Variants in CYTH3 observed in about 807,000 individuals in gnomAD.
CYTH3 encodes the protein cytohesin-3.
CYTH3 carries 23 observed loss-of-function variants against 55.1 expected under a neutral mutation model. The ratio of observed to expected loss-of-function variants is 0.42; its 90% CI spans 0.30 to 0.59. The LOEUF is 0.59. Ranked by LOEUF, CYTH3 falls within the 20% of genes least tolerant of loss-of-function variation. CYTH3 has a pLI of 0.20. For synonymous variants in CYTH3, 249 were observed against 194.9 expected (o/e 1.28, Z -2.31); for missense variants, 413 against 524.8 (o/e 0.79, Z 2.08).
intron 1 of CYTH3, among the ~76,000 whole-genome samples, chr7:6,269,029 C>A (rs886821658): frequency 6.6e-6 from 1 of 152,182 alleles, no homozygotes; most frequent in Non-Finnish European, 1.5e-5. Context: ...CTGCCAGAGA[C>A]ACTCCCTGAG....
chr7:6,165,460 G>T (rs548913253), intron 11 of CYTH3, 33 bp from the exon 12 acceptor site: 1 of 1,609,420 alleles, frequency 6.2e-7, no homozygotes, highest in Non-Finnish European at 8.5e-7. Context: ...AGGCGGTCAG[G>T]GGGGCTTGGG....
intron 1 of CYTH3, among the ~76,000 whole-genome samples, chr7:6,259,787 ATATATATATATATATATAT>A (rs1780269811): frequency 1.3e-4 from 2 of 15,114 alleles, no homozygotes; most frequent in Admixed American, 1.2e-3. Flanking sequence ...TATATATAAT[ATATATATATATATATATAT>A]ATATATAATA....
chr7:6,213,473 G>T (rs543900648), intron 1 of CYTH3, among the ~76,000 whole-genome samples: 2 of 152,036 alleles, frequency 1.3e-5, no homozygotes, highest in Admixed American at 6.6e-5. Flanking sequence ...CTACAACAAC[G>T]ACGGCTCTGA....
chr7:6,196,445 TTTC>T (rs1339904560), intron 1 of CYTH3, among the ~76,000 whole-genome samples: 1 of 144,292 alleles, frequency 6.9e-6, no homozygotes, highest in Non-Finnish European at 1.5e-5. Flanking sequence ...GAGCATCTTT[TTTC>T]TTTTTTTCTT....
intron 1 of CYTH3, among the ~76,000 whole-genome samples, chr7:6,239,527 T>C (rs948865879): frequency 7.2e-5 from 11 of 152,212 alleles, no homozygotes; most frequent in Admixed American, 5.9e-4. Context: ...GCCAATGCAA[T>C]TGGACAAGAG....
intron 4 of CYTH3, among the ~76,000 whole-genome samples, chr7:6,182,332 G>A (rs1161170529): frequency 6.6e-6 from 1 of 152,130 alleles, no homozygotes; most frequent in African/African-American, 2.4e-5. Flanking sequence ...TTACAGGCGT[G>A]AGCCACCGCA....
chr7:6,256,190 G>C (rs1214835178), intron 1 of CYTH3, among the ~76,000 whole-genome samples: 2 of 152,178 alleles, frequency 1.3e-5, no homozygotes, highest in Non-Finnish European at 2.9e-5. Context: ...TACATTTCGT[G>C]ATGGCTGAAA....
At chr7:6,172,012 C>A (rs1430881381) in intron 6 of CYTH3, 1 of 153,518 alleles carries the variant, frequency 6.5e-6, no homozygotes, top group East Asian at 1.9e-4. Flanking sequence ...TCTGCCCGCC[C>A]AGGAGTGAGC....
intron 1 of CYTH3, among the ~76,000 whole-genome samples, chr7:6,266,602 C>T (rs970176626): frequency 6.6e-6 from 1 of 152,156 alleles, no homozygotes; most frequent in Non-Finnish European, 1.5e-5. Flanking sequence ...TTTTAATTCT[C>T]TAGAATACTC....
chr7:6,195,616 G>A (rs980014451), intron 1 of CYTH3, among the ~76,000 whole-genome samples: 5 of 151,888 alleles, frequency 3.3e-5, no homozygotes, highest in African/African-American at 1.2e-4. Context: ...CATCACGCCC[G>A]GCTAATTTTT....
At chr7:6,272,374 C>T in intron 1 of CYTH3, 100 bp downstream of exon 1, 1 of 1,136,544 alleles carries the variant, frequency 8.8e-7, no homozygotes, top group South Asian at 3.0e-5. Flanking sequence ...CCGACCCCGT[C>T]TCCTCCGGCG....
chr7:6,272,492 C>T lies in CYTH3; in HGVS notation c.16G>A (p.Gly6Ser). Residue 6 changes from glycine to serine, a missense_variant, in exon 1 of 13, where the codon GGC becomes AGC. Physicochemically the swap from Gly to Ser is moderately conservative, Grantham distance 56. Around this residue, in one of 4 missense-constraint regions of CYTH3, gnomAD observed 152 missense variants for 148.1 expected, o/e 1.03. Transcript: ENST00000350796. ...CACTCACCGCCACCACCCTCGCCGC[C>T]GCCGTCTTCATCCATCTTGAGGCCA... MDEDG[G>S]GEGGGVPEDL... 1 of 1,363,764 alleles carries T rather than the reference C, an allele frequency of 7.3e-7. No homozygotes were observed. Among genetic ancestry groups the T allele is most frequent in the Non-Finnish European group, 9.5e-7 (1 of 1,048,228 alleles). 84.5% of individuals were successfully genotyped at this position (1,363,764 alleles called of 1,614,324 possible).
intron 1 of CYTH3, among the ~76,000 whole-genome samples, chr7:6,251,131 T>C (rs1026222548): frequency 6.6e-6 from 1 of 152,092 alleles, no homozygotes; most frequent in Non-Finnish European, 1.5e-5. Context: ...AAAAATTAGC[T>C]GGACGTGGTG....
chr7:6,167,159 T>C lies in CYTH3; in HGVS notation c.824-1349A>G, dbSNP rs949707816. On this transcript the variant is annotated intron_variant, in intron 9 of 12. Transcript: ENST00000350796. The surrounding 1 kb of genome is among the most constrained non-coding windows in gnomAD (Gnocchi z 5.5). ...CCACAGCAAGGCCCAAAGTCCTTGTTGCCCTCGTGTCCCTGTCTCACCGCG... is the reference window on the plus strand; with the variant it reads ...CCACAGCAAGGCCCAAAGTCCTTGTCGCCCTCGTGTCCCTGTCTCACCGCG... Among the ~76,000 whole-genome samples the C allele has an allele frequency of 2.3e-4, 35 of 152,164 alleles. No homozygotes were observed. The highest frequency in any genetic ancestry group is 8.0e-4 in the African/African-American group (33 of 41,438).
intron 5 of CYTH3, among the ~76,000 whole-genome samples, chr7:6,175,575 T>C (rs1027406314): frequency 7.9e-6 from 1 of 126,672 alleles, no homozygotes; most frequent in Non-Finnish European, 1.6e-5. Flanking sequence ...TTTGAGAGAG[T>C]CTCACTCTGT....
chr7:6,170,666 C>A lies in CYTH3; in HGVS notation c.712-20G>T. On this transcript the variant is annotated intron_variant, in intron 8 of 12. Transcript: ENST00000350796. The surrounding 1 kb of genome is among the most constrained non-coding windows in gnomAD (Gnocchi z 7.8). ...CAAATTCTGCAAGGAGGGAAAACAGCAGCCAGTTCAGAGACTCGGAGGAAA... is the reference window on the plus strand; with the variant it reads ...CAAATTCTGCAAGGAGGGAAAACAGAAGCCAGTTCAGAGACTCGGAGGAAA... The A allele has an allele frequency of 6.2e-7, 1 of 1,608,086 alleles. No individual in the cohort carries two copies. The highest frequency in any genetic ancestry group is 1.1e-5 in the South Asian group (1 of 90,274).
At chr7:6,179,868 C>CA (rs1783458196) in intron 4 of CYTH3, among the ~76,000 whole-genome samples, 1 of 76,056 alleles carries the variant, frequency 1.3e-5, no homozygotes, top group African/African-American at 8.9e-5. Context: ...CCACACACAC[C>CA]CACACACACC....
chr7:6,266,557 C>A (rs1780498413), intron 1 of CYTH3, among the ~76,000 whole-genome samples: 1 of 152,188 alleles, frequency 6.6e-6, no homozygotes, highest in African/African-American at 2.4e-5. Context: ...TCTATCTCTC[C>A]CGCTTCACTG....
chr7:6,186,277 C>T (rs1783647005), intron 4 of CYTH3, among the ~76,000 whole-genome samples: 2 of 150,220 alleles, frequency 1.3e-5, no homozygotes, highest in Non-Finnish European at 3.0e-5. Flanking sequence ...TGCAGACCGA[C>T]TGAAGACCAC....
Sources: allele counts gnomAD v4.1 joint callset (sites outside exome capture counted in the v4.1 genomes callset), GRCh38; gene constraint gnomAD v4.1.1; regional missense constraint gnomAD v4.1.1; non-coding constraint Gnocchi (gnomAD v3.1); transcripts MANE v1.5; gene names NCBI Gene and HGNC (gene_info 2026-07-23, HGNC 2026-07-21).